Variants in ADCY8 observed in about 807,000 individuals in gnomAD.
ADCY8 encodes adenylate cyclase 8.
In ADCY8, 51 loss-of-function variants were observed where a neutral mutation model predicts 119.7. That is an observed-to-expected ratio of 0.43 (90% CI 0.34 to 0.54). The LOEUF (loss-of-function observed/expected upper bound fraction) is 0.54, where lower values mean the gene tolerates loss of function less well. Ranked by LOEUF, ADCY8 falls within the 20% of genes least tolerant of loss-of-function variation. The pLI is 0.03. For missense variants in ADCY8, 1,383 were observed against 1,598.8 expected, an observed-to-expected ratio of 0.87 and a Z score of 2.30; for synonymous variants, 665 against 651.0, an observed-to-expected ratio of 1.02 and a Z score of -0.33.
chr8:131,026,504 A>C (rs1823829438), intron 1 of ADCY8, among the ~76,000 whole-genome samples: 1 of 152,192 alleles, frequency 6.6e-6, no homozygotes, highest in Non-Finnish European at 1.5e-5. Context: ...AGTAGCAGGG[A>C]CCCACTGAAG....
chr8:130,999,119 G>A (rs1324999642), intron 1 of ADCY8, among the ~76,000 whole-genome samples: 11 of 152,050 alleles, frequency 7.2e-5, no homozygotes, highest in South Asian at 2.1e-4. Flanking sequence ...TGTGTCCACC[G>A]TCTCTTATCT....
chr8:130,820,499 A>G (rs1284381518), intron 13 of ADCY8, among the ~76,000 whole-genome samples: 1 of 152,242 alleles, frequency 6.6e-6, no homozygotes, highest in African/African-American at 2.4e-5. Flanking sequence ...CCAAGCGACG[A>G]ACGTTCATGG....
At chr8:130,990,779 A>G (rs1822553298) in intron 1 of ADCY8, 1 of 380,032 alleles carries the variant, frequency 2.6e-6, no homozygotes, top group African/African-American at 2.1e-5. Flanking sequence ...CCAGGTTTAG[A>G]CTGGAGTCTT....
intron 15 of ADCY8, 136 bp downstream of exon 15, chr8:130,800,290 C>G: frequency 2.1e-6 from 2 of 952,490 alleles, no homozygotes; most frequent in Non-Finnish European, 3.2e-6. Context: ...TCAGATAATA[C>G]ATGTTTGTGT....
intron 2 of ADCY8, among the ~76,000 whole-genome samples, chr8:130,956,823 TTC>T (rs1003504352): frequency 3.0e-4 from 45 of 152,198 alleles, no homozygotes. Flanking sequence ...TTGGCTCTCA[TTC>T]TCTCTTTGCC....
At chr8:130,852,141 T>C (rs1817550361) in intron 9 of ADCY8, among the ~76,000 whole-genome samples, 1 of 152,104 alleles carries the variant, frequency 6.6e-6, no homozygotes, top group African/African-American at 2.4e-5. Context: ...GCAGGGGGGA[T>C]AAGAAATTCA....
At chr8:130,943,283 T>A in intron 4 of ADCY8, 68 bp downstream of exon 4, 5 of 1,152,134 alleles carry the variant, frequency 4.3e-6, no homozygotes, top group Non-Finnish European at 6.5e-6. Flanking sequence ...TGAATCCTTC[T>A]CTTTCCTTAT....
At chr8:130,991,513 A>G (rs1053326645) in intron 1 of ADCY8, among the ~76,000 whole-genome samples, 2 of 152,218 alleles carry the variant, frequency 1.3e-5, no homozygotes, top group Admixed American at 6.5e-5. Context: ...AAATAACTGA[A>G]CTGATATTTG....
chr8:130,875,658 A>C (rs974603155), intron 8 of ADCY8, among the ~76,000 whole-genome samples: 1 of 152,210 alleles, frequency 6.6e-6, no homozygotes, highest in African/African-American at 2.4e-5. Context: ...TATACTAATC[A>C]TTACAACTCC....
chr8:131,023,290 A>C (rs937390452), intron 1 of ADCY8, among the ~76,000 whole-genome samples: 1 of 152,196 alleles, frequency 6.6e-6, no homozygotes, highest in African/African-American at 2.4e-5. Flanking sequence ...TGGAATCAAC[A>C]CCAATAAATT....
intron 3 of ADCY8, among the ~76,000 whole-genome samples, chr8:130,950,698 C>G (rs748578686): frequency 6.6e-6 from 1 of 152,036 alleles, no homozygotes; most frequent in African/African-American, 2.4e-5. Context: ...CCTTTCAATA[C>G]GTTTATTATT....
At chr8:130,799,282 A>G (rs990344859) in intron 15 of ADCY8, among the ~76,000 whole-genome samples, 1 of 152,334 alleles carries the variant, frequency 6.6e-6, no homozygotes. Flanking sequence ...AGTAGATCTT[A>G]AATATTTCTG....
At chr8:130,954,151 GTGTT>G (rs1329200846) in intron 2 of ADCY8, among the ~76,000 whole-genome samples, 1 of 152,234 alleles carries the variant, frequency 6.6e-6, no homozygotes, top group African/African-American at 2.4e-5. Context: ...GTTTGTAAAA[GTGTT>G]TGATTGCAAA....
chr8:131,029,502 G>A (rs1823929849), intron 1 of ADCY8, among the ~76,000 whole-genome samples: 1 of 152,138 alleles, frequency 6.6e-6, no homozygotes, highest in Admixed American at 6.5e-5. Flanking sequence ...GAAGAACAAA[G>A]AGGGAAGAGA....
At chr8:131,024,294 A>G (rs908662566) in intron 1 of ADCY8, among the ~76,000 whole-genome samples, 1 of 151,084 alleles carries the variant, frequency 6.6e-6, no homozygotes, top group African/African-American at 2.5e-5. Context: ...ATAATAATAC[A>G]GCCCAGTGTT....
At chr8:130,931,793 T>C (rs189300602) in intron 5 of ADCY8, among the ~76,000 whole-genome samples, 2 of 152,310 alleles carry the variant, frequency 1.3e-5, no homozygotes, top group East Asian at 3.9e-4. Context: ...TTAAAAATTA[T>C]TTTCAATCAC....
At chr8:130,783,614 G>T (rs1815157529) in intron 17 of ADCY8, 77 bp downstream of exon 17, 1 of 1,019,590 alleles carries the variant, frequency 9.8e-7, no homozygotes, top group East Asian at 2.4e-5. Context: ...TTCCTGGATT[G>T]ATGCCCAAGG....
chr8:130,932,677 T>A (rs1438049899), intron 5 of ADCY8, among the ~76,000 whole-genome samples: 1 of 152,218 alleles, frequency 6.6e-6, no homozygotes, highest in African/African-American at 2.4e-5. Flanking sequence ...TATTTTCACA[T>A]ATGAATACTT....
At chr8:130,995,281 T>A (rs1822738797) in intron 1 of ADCY8, among the ~76,000 whole-genome samples, 1 of 152,136 alleles carries the variant, frequency 6.6e-6, no homozygotes, top group South Asian at 2.1e-4. Flanking sequence ...TGTAAATCCA[T>A]CCAGTTGAAA....
Sources: allele counts gnomAD v4.1 joint callset (sites outside exome capture counted in the v4.1 genomes callset), GRCh38; gene constraint gnomAD v4.1.1; transcripts MANE v1.5; gene names NCBI Gene and HGNC (gene_info 2026-07-23, HGNC 2026-07-21).